Variants in SH3KBP1 observed in about 807,000 individuals in gnomAD.
SH3KBP1 encodes the protein SH3 domain containing kinase binding protein 1.
A neutral mutation model predicts 50.1 loss-of-function variants in SH3KBP1; 8 were observed. That is an observed-to-expected ratio of 0.16 (90% CI 0.09 to 0.29). The LOEUF (loss-of-function observed/expected upper bound fraction) is 0.29. Among genes scored for constraint, SH3KBP1 ranks in the 10% least tolerant of loss-of-function variants. The pLI is 1.00. For synonymous variants in SH3KBP1, 227 were observed against 218.6 expected (o/e 1.04, Z -0.34); for missense variants, 377 against 535.2 (o/e 0.70, Z 2.92).
chrX:19,534,864 G>T lies in SH3KBP1; in HGVS notation c.*1553C>A. 3.4e-6 allele frequency: 1 copy of T among 297,438 alleles called. No homozygotes were observed. Among genetic ancestry groups the T allele is most frequent in the Non-Finnish European group, 5.9e-6 (1 of 170,298 alleles). The allele number at this position is 297,438 out of a possible 1,213,427, so 24.5% of individuals were successfully genotyped here. On this transcript the variant is annotated 3_prime_UTR_variant, in exon 18 of 18. Coordinates refer to ENST00000397821, the MANE Select transcript of SH3KBP1 (RefSeq NM_031892.3). Reference sequence around the variant, plus strand: ...AGGGGGAGGAAGGGAGGAAGAGAAAGGAAGAGACATTTATTTGTAATACTA... The same window carrying T: ...AGGGGGAGGAAGGGAGGAAGAGAAATGAAGAGACATTTATTTGTAATACTA...
chrX:19,551,226 C>T (rs2065228510), intron 13 of SH3KBP1, among the ~76,000 whole-genome samples: 1 of 112,050 alleles, frequency 8.9e-6, no homozygotes, highest in African/African-American at 3.3e-5. Context: ...CTGATGATAA[C>T]TCCTCTTATC....
At chrX:19,874,086 T>TATATATAA (rs1206834816) in intron 1 of SH3KBP1, among the ~76,000 whole-genome samples, 3 of 86,454 alleles carry the variant, frequency 3.5e-5, no homozygotes, top group African/African-American at 1.5e-4. Context: ...TATATATATA[T>TATATATAA]AAAACTCTAA....
At chrX:19,868,525 T>C (rs1236929588) in intron 1 of SH3KBP1, among the ~76,000 whole-genome samples, 1 of 108,583 alleles carries the variant, frequency 9.2e-6, no homozygotes, top group Non-Finnish European at 1.9e-5. Flanking sequence ...AAAAATGCGA[T>C]GGTATGATAT....
At position 19,670,839 on chromosome X, in the gene SH3KBP1, C is replaced by CAAAAAAAAAAAAAAAAAAAAAAAA. The variant is rs397973698; in HGVS notation, c.726+12983_726+12984insTTTTTTTTTTTTTTTTTTTTTTTT. 4.0e-5 allele frequency: 40 copies of CAAAAAAAAAAAAAAAAAAAAAAAA among 991,907 alleles called. No individual in the cohort carries two copies. In the African/African-American group the frequency reaches 5.2e-4, roughly 13 times the overall value. 81.7% of individuals were successfully genotyped at this position (991,907 alleles called of 1,213,427 possible). A position where few individuals can be genotyped will look rare whatever the true frequency, so the allele number is the denominator to read the frequency against. ...ACTGGATTTATTACAACTCTAAAAG[C>CAAAAAAAAAAAAAAAAAAAAAAAA]AAAAAAAAAAAAAAAGAAATACCTC... On this transcript the variant is annotated intron_variant, in intron 6 of 17. Transcript: ENST00000397821.
chrX:19,622,860 T>TG (rs1175565075), intron 8 of SH3KBP1, among the ~76,000 whole-genome samples: 44 of 111,049 alleles, frequency 4.0e-4, no homozygotes, highest in Admixed American at 3.4e-3. Context: ...CTGGCCAACA[T>TG]GGCGAAACCC....
At chrX:19,800,067 G>C (rs1046603900) in intron 2 of SH3KBP1, among the ~76,000 whole-genome samples, 7 of 111,186 alleles carry the variant, frequency 6.3e-5, no homozygotes, top group African/African-American at 2.3e-4. Flanking sequence ...TGAGACAGCT[G>C]AAACACTCCA....
chrX:19,621,608 A>G (rs1456695086), intron 8 of SH3KBP1, among the ~76,000 whole-genome samples: 1 of 112,264 alleles, frequency 8.9e-6, no homozygotes, highest in Non-Finnish European at 1.9e-5. Context: ...TTAAAAATCA[A>G]AAGAAGAAGA....
At chrX:19,554,967 C>T (rs2065445145) in intron 13 of SH3KBP1, among the ~76,000 whole-genome samples, 1 of 112,853 alleles carries the variant, frequency 8.9e-6, no homozygotes, top group Non-Finnish European at 1.9e-5. Context: ...TGCTTCATGG[C>T]TGTGGCCATG....
chrX:19,808,242 C>A (rs1213265704), intron 2 of SH3KBP1, among the ~76,000 whole-genome samples: 1 of 110,678 alleles, frequency 9.0e-6, no homozygotes, highest in African/African-American at 3.3e-5. Flanking sequence ...GGCTTCACAA[C>A]GTATTTGCCC....
chrX:19,712,741 A>G (rs983087293), intron 3 of SH3KBP1, among the ~76,000 whole-genome samples: 5 of 111,590 alleles, frequency 4.5e-5, no homozygotes, highest in Non-Finnish European at 9.4e-5. Flanking sequence ...ATCCAAGTTA[A>G]CATTGCTAAT....
intron 7 of SH3KBP1, among the ~76,000 whole-genome samples, chrX:19,640,485 C>T (rs1318807250): frequency 9.2e-6 from 1 of 109,231 alleles, no homozygotes; most frequent in Non-Finnish European, 1.9e-5. Context: ...AAATCTGCAA[C>T]GACTTTTTTT....
chrX:19,820,430 A>T (rs2067492122), intron 2 of SH3KBP1, among the ~76,000 whole-genome samples: 1 of 111,374 alleles, frequency 9.0e-6, no homozygotes, highest in African/African-American at 3.3e-5. Context: ...TTCTTGGTGG[A>T]ATGACACTTT....
intron 10 of SH3KBP1, among the ~76,000 whole-genome samples, chrX:19,592,987 C>A (rs904905002): frequency 1.1e-4 from 12 of 112,277 alleles, no homozygotes; most frequent in African/African-American, 3.9e-4. Flanking sequence ...CTGTTCTTGA[C>A]CCACAGAATC....
At chrX:19,741,810 G>A (rs2064777966) in intron 3 of SH3KBP1, among the ~76,000 whole-genome samples, 1 of 112,029 alleles carries the variant, frequency 8.9e-6, no homozygotes, top group African/African-American at 3.2e-5. Context: ...CCAAGCACAA[G>A]GGCAGATGCA....
rs187770401 is a variant in SH3KBP1, at chrX:19,608,033, C to T, written c.910G>A (p.Val304Ile). 653 of 1,208,056 alleles carry T rather than the reference C, an allele frequency of 5.4e-4. 1 individual carries two copies. The highest frequency in any genetic ancestry group is 6.7e-4 in the Non-Finnish European group (599 of 893,679). The part of the protein sequence containing the change: ...VTLINKDCID[V>I]GWWEGELNGR... Reference sequence around the variant, plus strand: ...TTCAGCTCTCCTTCCCACCAGCCTACGTCGATGCAGTCCTAGAAAACAGGA... The same window carrying T: ...TTCAGCTCTCCTTCCCACCAGCCTATGTCGATGCAGTCCTAGAAAACAGGA... The change falls in exon 9 of 18, where the codon GTA becomes ATA. Residue 304 changes from valine to isoleucine, a missense_variant. Physicochemically the swap from Val to Ile is conservative, Grantham distance 29. Around this residue, in one of 3 missense-constraint regions of SH3KBP1, gnomAD observed 257 missense variants for 374.2 expected, o/e 0.69. Coordinates refer to ENST00000397821, the MANE Select transcript of SH3KBP1 (RefSeq NM_031892.3).
At chrX:19,644,965 G>A (rs1017387017) in intron 7 of SH3KBP1, among the ~76,000 whole-genome samples, 5 of 111,607 alleles carry the variant, frequency 4.5e-5, no homozygotes, top group Non-Finnish European at 7.5e-5. Context: ...AAGCAGAGAT[G>A]TGTTGAAGAT....
intron 2 of SH3KBP1, among the ~76,000 whole-genome samples, chrX:19,827,134 T>C (rs2067706777): frequency 9.0e-6 from 1 of 111,686 alleles, no homozygotes. Context: ...CTAAAACACC[T>C]AGCAAATGAA....
intron 2 of SH3KBP1, among the ~76,000 whole-genome samples, chrX:19,774,654 AAAAG>A (rs3999801): frequency 0.13 from 9,939 of 77,017 alleles, 648 homozygotes; most frequent in Non-Finnish European, 0.16. Flanking sequence ...GTCTCAAAAA[AAAAG>A]AAAGAAAGAA....
At chrX:19,799,425 G>A (rs779173501) in intron 2 of SH3KBP1, among the ~76,000 whole-genome samples, 5 of 111,649 alleles carry the variant, frequency 4.5e-5, no homozygotes, top group African/African-American at 1.6e-4. Flanking sequence ...CACAGACAAG[G>A]GCTTAGTGAA....
Sources: gnomAD v4.1 joint callset for allele counts (sites outside exome capture counted in the v4.1 genomes callset) on GRCh38, gnomAD v4.1.1 for gene constraint, gnomAD v4.1.1 regional missense constraint, MANE v1.5 for transcripts, NCBI Gene and HGNC (gene_info 2026-07-23, HGNC 2026-07-21) for gene names.